The following SGMS2 variants were observed in gnomAD, a reference collection of about 807,000 sequenced individuals.
SGMS2 encodes the protein phosphatidylcholine:ceramide cholinephosphotransferase 2.
A neutral mutation model predicts 43.8 loss-of-function variants in SGMS2; 21 were observed. The observed-to-expected ratio is 0.48, with a 90% CI of 0.34 to 0.69. The LOEUF (loss-of-function observed/expected upper bound fraction) is 0.69. Among genes scored for constraint, SGMS2 ranks in the 30% least tolerant of loss-of-function variants. The pLI, the probability that SGMS2 is intolerant of heterozygous loss-of-function variation, is 0.01. For missense variants in SGMS2, 384 were observed against 443.2 expected (o/e 0.87, Z 1.20); for synonymous variants, 167 against 160.6 (o/e 1.04, Z -0.30).
chr4:107,839,342 C>T (rs191068944), intron 1 of SGMS2, among the ~76,000 whole-genome samples: 66 of 152,168 alleles, frequency 4.3e-4, no homozygotes, highest in South Asian at 1.0e-3. Flanking sequence ...TCCACCCCAA[C>T]GGTAGTTATT....
intron 1 of SGMS2, among the ~76,000 whole-genome samples, chr4:107,840,519 G>A (rs1432311925): frequency 6.6e-6 from 1 of 152,136 alleles, no homozygotes; most frequent in Non-Finnish European, 1.5e-5. Context: ...ATATACCCAA[G>A]GGTAGACTAA....
intron 1 of SGMS2, among the ~76,000 whole-genome samples, chr4:107,843,168 GTTTT>G (rs911201117): frequency 4.2e-5 from 6 of 143,062 alleles, no homozygotes; most frequent in African/African-American, 1.5e-4. Flanking sequence ...AGACTCACTG[GTTTT>G]TTTTTTTTAA....
At chr4:107,892,254 AAAAG>A (rs1353309139) in intron 2 of SGMS2, among the ~76,000 whole-genome samples, 1 of 151,750 alleles carries the variant, frequency 6.6e-6, no homozygotes, top group Non-Finnish European at 1.5e-5. Flanking sequence ...AAAAAAAAAA[AAAAG>A]GTTGTACAGC....
At chr4:107,853,763 G>GA (rs1450949414) in intron 1 of SGMS2, among the ~76,000 whole-genome samples, 2 of 152,176 alleles carry the variant, frequency 1.3e-5, no homozygotes, top group African/African-American at 4.8e-5. Flanking sequence ...AGTCTCACTG[G>GA]AAAGAGACAA....
At chr4:107,893,853 C>T (rs1044999673) in intron 2 of SGMS2, among the ~76,000 whole-genome samples, 12 of 152,190 alleles carry the variant, frequency 7.9e-5, no homozygotes, top group Non-Finnish European at 1.6e-4. Context: ...CAGCTCATCC[C>T]TCTCCTTCCT....
chr4:107,839,430 ATCC>A (rs532745148), intron 1 of SGMS2, among the ~76,000 whole-genome samples: 4 of 151,410 alleles, frequency 2.6e-5, no homozygotes, highest in African/African-American at 7.3e-5. Context: ...CCACTTCATT[ATCC>A]TCCTGTTGCA....
At chr4:107,836,352 G>A (rs1401139122) in intron 1 of SGMS2, among the ~76,000 whole-genome samples, 1 of 152,172 alleles carries the variant, frequency 6.6e-6, no homozygotes, top group Admixed American at 6.5e-5. Context: ...ATTATATCAT[G>A]GAGTTACTCA....
At chr4:107,830,240 A>G (rs1262063296) in intron 1 of SGMS2, among the ~76,000 whole-genome samples, 1 of 152,202 alleles carries the variant, frequency 6.6e-6, no homozygotes, top group Non-Finnish European at 1.5e-5. Context: ...ATAGTATTCC[A>G]TGGTATGTAT....
chr4:107,909,530 C>G (rs903798085), intron 6 of SGMS2, among the ~76,000 whole-genome samples: 1 of 152,226 alleles, frequency 6.6e-6, no homozygotes, highest in Non-Finnish European at 1.5e-5. Flanking sequence ...TCATTTGCTA[C>G]TGCTGCTTCC....
chr4:107,874,382 C>G (rs1728762736), intron 2 of SGMS2, among the ~76,000 whole-genome samples: 1 of 152,148 alleles, frequency 6.6e-6, no homozygotes, highest in Non-Finnish European at 1.5e-5. Context: ...CTTGAGTGAG[C>G]TGTTCTGCCT....
rs1458884649 is a variant in SGMS2 at position 107,911,028 on chromosome 4, G to C, written c.*475G>C. On this transcript the variant is annotated 3_prime_UTR_variant, in exon 7 of 7. Transcript: ENST00000690982. ...AGGTTTAGCAAGGGGGAGATCCGTGGGTTGTGCGTCAGCTTTGGGTGAATT... is the reference window on the plus strand; with the variant it reads ...AGGTTTAGCAAGGGGGAGATCCGTGCGTTGTGCGTCAGCTTTGGGTGAATT... The C allele has an allele frequency of 6.4e-6, 1 of 155,660 alleles. No homozygotes were observed. The highest frequency in any genetic ancestry group is 1.4e-5 in the Non-Finnish European group (1 of 70,364). The allele number at this position is 155,660 out of a possible 1,614,324, so 9.6% of individuals were successfully genotyped here.
At chr4:107,828,758 C>A (rs1560625051) in intron 1 of SGMS2, among the ~76,000 whole-genome samples, 1 of 152,176 alleles carries the variant, frequency 6.6e-6, no homozygotes, top group African/African-American at 2.4e-5. Flanking sequence ...TTTTCCCTGT[C>A]TCTTTAATTT....
intron 1 of SGMS2, among the ~76,000 whole-genome samples, chr4:107,857,325 G>T (rs562905453): frequency 6.6e-6 from 1 of 152,086 alleles, no homozygotes; most frequent in Non-Finnish European, 1.5e-5. Context: ...ATGAATATTT[G>T]TGTACAGTTT....
chr4:107,872,661 C>A (rs1027768045), intron 2 of SGMS2, among the ~76,000 whole-genome samples: 1 of 85,742 alleles, frequency 1.2e-5, no homozygotes, highest in East Asian at 2.4e-4. Context: ...CAGAGTGAGA[C>A]CCCTTCTCTT....
At chr4:107,831,659 G>A (rs1227772516) in intron 1 of SGMS2, among the ~76,000 whole-genome samples, 2 of 152,192 alleles carry the variant, frequency 1.3e-5, no homozygotes, top group East Asian at 1.9e-4. Flanking sequence ...AAGGTGGCAT[G>A]TATCTTTTGG....
chr4:107,900,616 A>T (rs1275026589), intron 4 of SGMS2, among the ~76,000 whole-genome samples: 1 of 152,192 alleles, frequency 6.6e-6, no homozygotes, highest in Non-Finnish European at 1.5e-5. Flanking sequence ...ATCCAGGAAG[A>T]GCGAGTTCTT....
intron 1 of SGMS2, among the ~76,000 whole-genome samples, chr4:107,842,429 G>A (rs1266761320): frequency 6.6e-6 from 1 of 152,168 alleles, no homozygotes; most frequent in Non-Finnish European, 1.5e-5. Flanking sequence ...TGAACTCAAA[G>A]TGAGAACTTA....
intron 2 of SGMS2, among the ~76,000 whole-genome samples, chr4:107,866,051 C>A (rs1292335474): frequency 1.3e-5 from 2 of 152,138 alleles, no homozygotes; most frequent in Non-Finnish European, 2.9e-5. Flanking sequence ...TGCATTAATT[C>A]TCATCAAGTG....
chr4:107,911,493 AGG>A lies in SGMS2; in HGVS notation c.*942_*943del, dbSNP rs1480601440. On this transcript the variant is annotated 3_prime_UTR_variant, in exon 7 of 7. Coordinates refer to ENST00000690982, the MANE Select transcript of SGMS2 (RefSeq NM_001375905.1). ...CAGGCCCTGGTGTGAGATCAATTTT[AGG>A]GCTCCTAATTGGAGCACAGAAATGT... 1.3e-5 allele frequency: 2 copies of A among 152,216 alleles called. No homozygotes were observed. The highest frequency in any genetic ancestry group is 4.8e-5 in the African/African-American group (2 of 41,464). 9.4% of individuals were successfully genotyped at this position (152,216 alleles called of 1,614,324 possible). A position where few individuals can be genotyped will look rare whatever the true frequency, so the allele number is the denominator to read the frequency against.
Sources: allele counts gnomAD v4.1 joint callset (sites outside exome capture counted in the v4.1 genomes callset), GRCh38; gene constraint gnomAD v4.1.1; transcripts MANE v1.5; gene names NCBI Gene and HGNC (gene_info 2026-07-23, HGNC 2026-07-21).